The following BBX variants were observed in gnomAD, a reference collection of about 807,000 sequenced individuals.
BBX encodes HMG box transcription factor BBX.
Under a neutral mutation model 100.2 loss-of-function variants are expected in BBX, and 30 were observed. The observed-to-expected ratio is 0.30, with a 90% CI of 0.22 to 0.41. The LOEUF (loss-of-function observed/expected upper bound fraction) is 0.41, where lower values mean the gene tolerates loss of function less well. BBX is among the 10% of genes least tolerant of loss of function. BBX has a pLI of 1.00. For synonymous variants in BBX, 376 were observed against 388.1 expected (o/e 0.97, Z 0.37); for missense variants, 1,023 against 1,129.8 (o/e 0.91, Z 1.35).
At chr3:107,712,673 T>G (rs2061800636) in intron 4 of BBX, among the ~76,000 whole-genome samples, 1 of 152,130 alleles carries the variant, frequency 6.6e-6, no homozygotes, top group African/African-American at 2.4e-5. Flanking sequence ...TACCTCCCTC[T>G]CTCCCGGCCT....
intron 7 of BBX, among the ~76,000 whole-genome samples, chr3:107,735,889 T>C (rs1432532381): frequency 6.6e-6 from 1 of 152,074 alleles, no homozygotes; most frequent in Non-Finnish European, 1.5e-5. Flanking sequence ...TGTGCCTCTA[T>C]TACTAAGCCT....
Position 107,773,143 on chromosome 3 carries a change from A to C in BBX, c.1422A>C (p.Lys474Asn), listed in dbSNP as rs759714136. 6.2e-7 allele frequency: 1 copy of C among 1,614,140 alleles called. No individual in the cohort carries two copies. Among genetic ancestry groups the C allele is most frequent in the Non-Finnish European group, 8.5e-7 (1 of 1,180,022 alleles). The stretch of plus-strand genomic sequence containing the variant: ...AATCCACACCCAAGAAGACTTGCAA[A>C]AAGAGGCAGTCTTCGGAATCTGACA... Reference protein sequence around the residue: ...NDKSTPKKTCKKRQSSESDIE... With the variant: ...NDKSTPKKTCNKRQSSESDIE... The change falls in exon 11 of 18, where the codon AAA (lysine) becomes AAC (asparagine). Residue 474 changes from lysine (K) to asparagine (N), a missense_variant. By Grantham distance (94) the Lys-to-Asn change is moderately conservative. Transcript: ENST00000325805. This position sits in a 1 kb window ranked among gnomAD's most constrained non-coding sequence, Gnocchi z 4.1.
intron 2 of BBX, among the ~76,000 whole-genome samples, chr3:107,555,080 A>G (rs1559805750): frequency 6.6e-6 from 1 of 151,900 alleles, no homozygotes; most frequent in Non-Finnish European, 1.5e-5. Context: ...AAACAACAAC[A>G]ACAACAACAA....
chr3:107,740,325 C>CT (rs1454006715), intron 7 of BBX, among the ~76,000 whole-genome samples: 7 of 152,148 alleles, frequency 4.6e-5, no homozygotes, highest in African/African-American at 1.7e-4. Context: ...AAAGCTTTAA[C>CT]TTACCTTGGA....
At chr3:107,527,815 GT>G in intron 2 of BBX, among the ~76,000 whole-genome samples, 1 of 152,092 alleles carries the variant, frequency 6.6e-6, no homozygotes, top group Middle Eastern at 3.2e-3. Context: ...TTGTCTTTGA[GT>G]TTTTTTAAAG....
chr3:107,557,771 A>G (rs982532541), intron 2 of BBX, among the ~76,000 whole-genome samples: 3 of 152,224 alleles, frequency 2.0e-5, no homozygotes, highest in Non-Finnish European at 2.9e-5. Context: ...TATTGTATGT[A>G]GTACAGTGCA....
chr3:107,603,215 C>T (rs942211443), intron 2 of BBX, among the ~76,000 whole-genome samples: 8 of 152,064 alleles, frequency 5.3e-5, no homozygotes, highest in African/African-American at 7.2e-5. Flanking sequence ...CCACCTGCCT[C>T]GGCCTCCCAA....
intron 3 of BBX, among the ~76,000 whole-genome samples, chr3:107,682,944 A>G (rs1015602498): frequency 1.3e-5 from 2 of 152,180 alleles, no homozygotes; most frequent in Admixed American, 6.6e-5. Flanking sequence ...TGTTTAAAAT[A>G]TTTGATTTTA....
chr3:107,757,250 G>A (rs9878595), intron 10 of BBX, among the ~76,000 whole-genome samples: 49 of 151,620 alleles, frequency 3.2e-4, no homozygotes, highest in South Asian at 1.5e-3. Flanking sequence ...TGCATGGGGG[G>A]GCTGGTAAAG....
intron 10 of BBX, among the ~76,000 whole-genome samples, chr3:107,765,757 A>G (rs966663176): frequency 6.6e-6 from 1 of 152,134 alleles, no homozygotes; most frequent in Non-Finnish European, 1.5e-5. Context: ...AGTAGGCGGC[A>G]CTGGCTGGAG....
rs563110136 is a variant in BBX, at chr3:107,607,137, C to T, written c.-83-38699C>T. On this transcript the variant is annotated intron_variant, in intron 2 of 17. Coordinates refer to ENST00000325805, the MANE Select transcript of BBX (RefSeq NM_001142568.3). ...TTTGAGATGGAGTCTCACTCTGTCA[C>T]GCAGGCTGGAGTGCAACAGCACTGT... 9.2e-5 allele frequency among the ~76,000 whole-genome samples: 14 copies of T among 152,174 alleles called. 1 individual carries two copies. Among genetic ancestry groups the T allele is most frequent in the Admixed American group, 4.6e-4 (7 of 15,274 alleles).
chr3:107,729,600 C>T (rs759026059), intron 6 of BBX, among the ~76,000 whole-genome samples: 10 of 152,110 alleles, frequency 6.6e-5, no homozygotes, highest in Non-Finnish European at 1.3e-4. Flanking sequence ...TTATATTCAC[C>T]CTACAAGTGG....
intron 3 of BBX, among the ~76,000 whole-genome samples, chr3:107,655,184 A>C (rs2058060713): frequency 6.6e-6 from 1 of 152,182 alleles, no homozygotes; most frequent in Non-Finnish European, 1.5e-5. Flanking sequence ...TTTTCTGTAC[A>C]ATTCTAAGTG....
chr3:107,696,156 C>T (rs2060581029), intron 3 of BBX, among the ~76,000 whole-genome samples: 2 of 151,662 alleles, frequency 1.3e-5, no homozygotes, highest in Admixed American at 6.6e-5. Flanking sequence ...ATCCAATTTG[C>T]CAGTCTGTGT....
At chr3:107,645,609 C>T (rs562146195) in intron 2 of BBX, among the ~76,000 whole-genome samples, 13 of 152,146 alleles carry the variant, frequency 8.5e-5, no homozygotes, top group Middle Eastern at 3.4e-3. Flanking sequence ...TCAGAATTTC[C>T]GTTGAATAAT....
chr3:107,631,087 A>G (rs1428657845), intron 2 of BBX, among the ~76,000 whole-genome samples: 2 of 152,156 alleles, frequency 1.3e-5, no homozygotes, highest in Non-Finnish European at 2.9e-5. Flanking sequence ...ACCCCATGTC[A>G]AAGTGATCCC....
chr3:107,612,060 T>C (rs889674499), intron 2 of BBX, among the ~76,000 whole-genome samples: 1 of 152,136 alleles, frequency 6.6e-6, no homozygotes, highest in African/African-American at 2.4e-5. Flanking sequence ...AGATTTTTGT[T>C]TGATTCTTTT....
rs1275986636 is a variant in BBX at position 107,584,009 on chromosome 3, TATTATACATATTATTATATATATTA to T, written c.-84+57618_-84+57642del. Among the ~76,000 whole-genome samples the T allele has an allele frequency of 1.6e-3, 137 of 83,402 alleles. 5 individuals are homozygous for T. The highest frequency in any genetic ancestry group is 6.6e-3 in the African/African-American group (132 of 19,992). 54.7% of individuals were successfully genotyped at this position (83,402 alleles called of 152,430 possible). On this transcript the variant is annotated intron_variant, in intron 2 of 17. Coordinates refer to ENST00000325805, the MANE Select transcript of BBX (RefSeq NM_001142568.3). ...TTATATATTATTATATTATTATATA[TATTATACATATTATTATATATATTA>T]ATTATATATATTATATATATTATAT...
intron 3 of BBX, among the ~76,000 whole-genome samples, chr3:107,696,423 T>A (rs2060605505): frequency 1.3e-5 from 2 of 151,480 alleles, no homozygotes; most frequent in South Asian, 4.2e-4. Context: ...CATTTGCTTG[T>A]CTGTAAAGTA....
Sources: allele counts gnomAD v4.1 joint callset (sites outside exome capture counted in the v4.1 genomes callset), GRCh38; gene constraint gnomAD v4.1.1; non-coding constraint Gnocchi (gnomAD v3.1); transcripts MANE v1.5; gene names NCBI Gene and HGNC (gene_info 2026-07-23, HGNC 2026-07-21).